The following GALNT17 variants were observed in gnomAD, a reference collection of about 807,000 sequenced individuals.
GALNT17 encodes the protein UDP-GalNAc:polypeptide N-acetylgalactosaminyltransferase-like 3.
GALNT17 carries 29 observed loss-of-function variants against 63.7 expected under a neutral mutation model. That is an observed-to-expected ratio of 0.46 (90% CI 0.34 to 0.62). The LOEUF is 0.62. Among genes scored for constraint, GALNT17 ranks in the 20% least tolerant of loss-of-function variants. GALNT17 has a pLI of 0.01. For missense variants in GALNT17, 603 were observed against 799.6 expected (o/e 0.75, Z 2.97); for synonymous variants, 305 against 318.3 (o/e 0.96, Z 0.45).
chr7:71,152,224 T>C (rs1788149043), intron 1 of GALNT17, among the ~76,000 whole-genome samples: 1 of 152,216 alleles, frequency 6.6e-6, no homozygotes, highest in South Asian at 2.1e-4. Flanking sequence ...GCTTTTTCTT[T>C]TTTTTCATTA....
chr7:71,331,258 A>G (rs751364099), intron 1 of GALNT17, among the ~76,000 whole-genome samples: 9 of 152,060 alleles, frequency 5.9e-5, no homozygotes, highest in Non-Finnish European at 8.8e-5. Flanking sequence ...AACAACCCTC[A>G]AATCTCTCCA....
intron 5 of GALNT17, among the ~76,000 whole-genome samples, chr7:71,500,103 G>A (rs1357987101): frequency 6.6e-6 from 1 of 152,144 alleles, no homozygotes; most frequent in Admixed American, 6.6e-5. Context: ...GTCTCAGGCA[G>A]TCCTTTATAG....
chr7:71,339,845 A>G (rs1208890532), intron 2 of GALNT17, among the ~76,000 whole-genome samples: 1 of 152,182 alleles, frequency 6.6e-6, no homozygotes, highest in Non-Finnish European at 1.5e-5. Flanking sequence ...GATGGCTTGA[A>G]CATACCATTT....
chr7:71,573,289 C>T (rs1789481144), intron 6 of GALNT17, among the ~76,000 whole-genome samples: 1 of 151,914 alleles, frequency 6.6e-6, no homozygotes. Context: ...GGATTACAGA[C>T]ATGAGCTCCC....
At chr7:71,520,517 C>T (rs928063793) in intron 5 of GALNT17, among the ~76,000 whole-genome samples, 4 of 151,182 alleles carry the variant, frequency 2.6e-5, no homozygotes, top group African/African-American at 7.3e-5. Flanking sequence ...AGTGAGACTC[C>T]GTCTCAAAAA....
chr7:71,511,074 C>G (rs1788347618), intron 5 of GALNT17, among the ~76,000 whole-genome samples: 1 of 152,038 alleles, frequency 6.6e-6, no homozygotes, highest in South Asian at 2.1e-4. Flanking sequence ...CCCAGCTACT[C>G]AGGAGGCTGA....
intron 6 of GALNT17, among the ~76,000 whole-genome samples, chr7:71,640,546 A>C (rs781193360): frequency 5.9e-5 from 9 of 152,204 alleles, no homozygotes; most frequent in Admixed American, 1.3e-4. Flanking sequence ...TGTTGTGGCT[A>C]TCTTGAAATA....
intron 3 of GALNT17, among the ~76,000 whole-genome samples, chr7:71,414,295 T>C (rs1793485308): frequency 6.6e-6 from 1 of 152,154 alleles, no homozygotes. Context: ...AGAAAGACAA[T>C]CTGTTGTTCA....
At chr7:71,588,902 A>G (rs1171365822) in intron 6 of GALNT17, among the ~76,000 whole-genome samples, 1 of 152,020 alleles carries the variant, frequency 6.6e-6, no homozygotes, top group Non-Finnish European at 1.5e-5. Context: ...CCCTCCCCCA[A>G]ATTACCCTAT....
chr7:71,459,138 CTAAT>C (rs1458340738), intron 5 of GALNT17, among the ~76,000 whole-genome samples: 3 of 152,078 alleles, frequency 2.0e-5, no homozygotes, highest in Non-Finnish European at 4.4e-5. Flanking sequence ...TTAACAGAGT[CTAAT>C]TGTGCAAAGA....
intron 5 of GALNT17, among the ~76,000 whole-genome samples, chr7:71,423,932 A>T (rs1453092119): frequency 6.6e-6 from 1 of 152,080 alleles, no homozygotes; most frequent in Non-Finnish European, 1.5e-5. Flanking sequence ...AAATAATAAT[A>T]AAAAAAGAGT....
chr7:71,543,800 C>T (rs1415823893), intron 5 of GALNT17, among the ~76,000 whole-genome samples: 2 of 146,916 alleles, frequency 1.4e-5, no homozygotes, highest in African/African-American at 2.5e-5. Flanking sequence ...TCTTTTCTTT[C>T]TTTTTTTTTT....
At chr7:71,184,047 T>C (rs1441712152) in intron 1 of GALNT17, among the ~76,000 whole-genome samples, 1 of 152,050 alleles carries the variant, frequency 6.6e-6, no homozygotes. Flanking sequence ...GGAGATACGG[T>C]CGTTAACGAG....
At chr7:71,254,041 G>A (rs1442932883) in intron 1 of GALNT17, among the ~76,000 whole-genome samples, 2 of 152,258 alleles carry the variant, frequency 1.3e-5, no homozygotes, top group Non-Finnish European at 2.9e-5. Flanking sequence ...TATGTTTCAG[G>A]GAGACATAAG....
intron 1 of GALNT17, among the ~76,000 whole-genome samples, chr7:71,165,459 G>A (rs1254650029): frequency 1.4e-4 from 17 of 122,734 alleles, no homozygotes; most frequent in African/African-American, 2.3e-4. Flanking sequence ...TTCACATGGC[G>A]ACAGACAAGA....
chr7:71,613,069 C>A (rs533159465), intron 6 of GALNT17, among the ~76,000 whole-genome samples: 1 of 152,118 alleles, frequency 6.6e-6, no homozygotes, highest in Non-Finnish European at 1.5e-5. Flanking sequence ...TGAATCCAAG[C>A]CAACACTGGT....
chr7:71,615,127 T>C (rs530061699), intron 6 of GALNT17, among the ~76,000 whole-genome samples: 1 of 152,330 alleles, frequency 6.6e-6, no homozygotes, highest in East Asian at 1.9e-4. Context: ...TAGCCCTGAC[T>C]GGGAGGCTGC....
chr7:71,458,350 G>C (rs535766433), intron 5 of GALNT17, among the ~76,000 whole-genome samples: 4 of 152,170 alleles, frequency 2.6e-5, no homozygotes, highest in African/African-American at 4.8e-5. Context: ...TTAATAGGAC[G>C]GGGAGCAAGT....
chr7:71,676,744 A>G (rs1022563201), intron 8 of GALNT17, among the ~76,000 whole-genome samples: 11 of 152,114 alleles, frequency 7.2e-5, no homozygotes, highest in Admixed American at 2.0e-4. Flanking sequence ...ACCTCTGATT[A>G]CCCAGTTTAT....
Sources: allele counts gnomAD v4.1 joint callset (sites outside exome capture counted in the v4.1 genomes callset), GRCh38; gene constraint gnomAD v4.1.1; transcripts MANE v1.5; gene names NCBI Gene and HGNC (gene_info 2026-07-23, HGNC 2026-07-21).